Variants in PID1 observed in about 807,000 individuals in gnomAD.
PID1 encodes PTB-containing, cubilin and LRP1-interacting protein.
A neutral mutation model predicts 19.1 loss-of-function variants in PID1; 10 were observed. That is an observed-to-expected ratio of 0.52 (90% CI 0.32 to 0.89). The LOEUF (loss-of-function observed/expected upper bound fraction) is 0.89. Among genes scored for constraint, PID1 ranks in the 40% least tolerant of loss-of-function variants. The pLI is 0.03. For missense variants in PID1, 248 were observed against 285.3 expected, an observed-to-expected ratio of 0.87 and a Z score of 0.94; for synonymous variants, 130 against 116.0, an observed-to-expected ratio of 1.12 and a Z score of -0.78.
chr2:229,181,696 T>A (rs779320765), intron 1 of PID1, among the ~76,000 whole-genome samples: 1 of 152,242 alleles, frequency 6.6e-6, no homozygotes, highest in Non-Finnish European at 1.5e-5. Context: ...ACCATTTAAC[T>A]GCAATAGAAA....
At chr2:229,232,176 C>T (rs1049785549) in intron 1 of PID1, 1 of 1,389,166 alleles carries the variant, frequency 7.2e-7, no homozygotes, top group African/African-American at 1.5e-5. Flanking sequence ...GTAATCCCAG[C>T]ACTCTGGGAG....
intron 1 of PID1, among the ~76,000 whole-genome samples, chr2:229,257,397 C>T (rs543068764): frequency 6.6e-6 from 1 of 152,284 alleles, no homozygotes; most frequent in African/African-American, 2.4e-5. Context: ...TCTCCTGTCC[C>T]CTCTTCCTGG....
chr2:229,060,350 T>C (rs1694186940), intron 2 of PID1, among the ~76,000 whole-genome samples: 1 of 152,134 alleles, frequency 6.6e-6, no homozygotes, highest in Admixed American at 6.6e-5. Flanking sequence ...AGATTCTACA[T>C]ATGGATGACA....
intron 2 of PID1, among the ~76,000 whole-genome samples, chr2:229,106,759 T>C (rs1015760869): frequency 2.6e-5 from 4 of 152,216 alleles, no homozygotes; most frequent in African/African-American, 7.2e-5. Context: ...TACCCAATCA[T>C]TGTATTTTGT....
intron 2 of PID1, among the ~76,000 whole-genome samples, chr2:229,065,999 C>G (rs926407738): frequency 1.3e-5 from 2 of 152,086 alleles, no homozygotes; most frequent in Non-Finnish European, 2.9e-5. Flanking sequence ...CCAAGGAAAG[C>G]CAGGTGATTC....
intron 1 of PID1, among the ~76,000 whole-genome samples, chr2:229,173,648 G>A (rs966696819): frequency 3.3e-5 from 5 of 152,136 alleles, no homozygotes; most frequent in African/African-American, 1.2e-4. Flanking sequence ...AGAGTTTCCT[G>A]TTTCAAAATA....
At chr2:229,048,621 G>T (rs1263335761) in intron 2 of PID1, among the ~76,000 whole-genome samples, 1 of 152,156 alleles carries the variant, frequency 6.6e-6, no homozygotes, top group African/African-American at 2.4e-5. Context: ...CTCCATGTAG[G>T]CTGCAGCTCT....
At chr2:229,167,736 G>A (rs1313256868) in intron 1 of PID1, among the ~76,000 whole-genome samples, 1 of 152,044 alleles carries the variant, frequency 6.6e-6, no homozygotes, top group Admixed American at 6.6e-5. Flanking sequence ...TACTTTCCTG[G>A]TTTTTATTCT....
At chr2:229,166,007 A>G (rs1559265340) in intron 1 of PID1, among the ~76,000 whole-genome samples, 1 of 152,220 alleles carries the variant, frequency 6.6e-6, no homozygotes, top group Non-Finnish European at 1.5e-5. Flanking sequence ...TCCTTATAAA[A>G]GACTTGTACA....
intron 1 of PID1, among the ~76,000 whole-genome samples, chr2:229,265,264 G>A (rs1690565456): frequency 6.6e-6 from 1 of 152,180 alleles, no homozygotes; most frequent in African/African-American, 2.4e-5. Context: ...GGAATCCTGG[G>A]CCATCAGGCA....
rs149503518 is a variant in PID1, at chr2:229,146,853, T to C, written c.177+8965A>G. The stretch of plus-strand genomic sequence containing the variant: ...CCACCATGCAGAGATTGCAGTGATG[T>C]ACCCACAAGCCAAGGAATGCCTGCA... On this transcript the variant is annotated intron_variant, in intron 2 of 2. Transcript: ENST00000392055. Among the ~76,000 whole-genome samples, 1,181 of 152,218 alleles carry C rather than the reference T, an allele frequency of 7.8e-3. 31 individuals carry two copies. The highest frequency in any genetic ancestry group is 0.062 in the South Asian group (300 of 4,814).
At chr2:229,203,977 T>G (rs1691552372) in intron 1 of PID1, among the ~76,000 whole-genome samples, 1 of 152,126 alleles carries the variant, frequency 6.6e-6, no homozygotes, top group Non-Finnish European at 1.5e-5. Flanking sequence ...TTAGACCTAT[T>G]AGACCCATAG....
intron 2 of PID1, among the ~76,000 whole-genome samples, chr2:229,042,408 C>G (rs886538486): frequency 6.6e-6 from 1 of 152,148 alleles, no homozygotes; most frequent in Admixed American, 6.5e-5. Context: ...TGAGCATATA[C>G]AGTTGACTAA....
intron 1 of PID1, among the ~76,000 whole-genome samples, chr2:229,181,566 A>C (rs771420150): frequency 6.6e-6 from 1 of 152,242 alleles, no homozygotes; most frequent in Non-Finnish European, 1.5e-5. Context: ...AAGTCAGGAA[A>C]TTACACTGAT....
At chr2:229,227,033 G>T (rs1371421537) in intron 1 of PID1, among the ~76,000 whole-genome samples, 1 of 152,128 alleles carries the variant, frequency 6.6e-6, no homozygotes, top group Admixed American at 6.6e-5. Flanking sequence ...TTGTTCTTCT[G>T]GTTGACTTTG....
At chr2:229,193,464 C>T (rs1327090274) in intron 1 of PID1, among the ~76,000 whole-genome samples, 1 of 152,128 alleles carries the variant, frequency 6.6e-6, no homozygotes, top group Non-Finnish European at 1.5e-5. Flanking sequence ...GTCACTAAAG[C>T]CAACCCAAAT....
chr2:229,097,305 C>A (rs1694990958), intron 2 of PID1, among the ~76,000 whole-genome samples: 1 of 152,126 alleles, frequency 6.6e-6, no homozygotes. Context: ...ATAGAGAATG[C>A]TGAGCTTTGA....
intron 1 of PID1, among the ~76,000 whole-genome samples, chr2:229,181,474 G>T (rs536087503): frequency 6.6e-6 from 1 of 151,790 alleles, no homozygotes. Flanking sequence ...GAGAATCAAC[G>T]GCAAGATCAA....
chr2:229,251,739 A>G (rs989181023), intron 1 of PID1, among the ~76,000 whole-genome samples: 3 of 152,202 alleles, frequency 2.0e-5, no homozygotes, highest in Admixed American at 2.0e-4. Context: ...AAAGACAAAT[A>G]GCATCAGTTC....
Sources: allele counts gnomAD v4.1 joint callset (sites outside exome capture counted in the v4.1 genomes callset), GRCh38; gene constraint gnomAD v4.1.1; transcripts MANE v1.5; gene names NCBI Gene and HGNC (gene_info 2026-07-23, HGNC 2026-07-21).